Variants in RFXAP observed in about 807,000 individuals in gnomAD.
RFXAP encodes regulatory factor X-associated protein.
RFXAP carries 21 observed loss-of-function variants against 25.7 expected under a neutral mutation model. The ratio of observed to expected loss-of-function variants is 0.82; its 90% CI spans 0.58 to 1.18. The LOEUF (loss-of-function observed/expected upper bound fraction) is 1.18, where lower values mean the gene tolerates loss of function less well. RFXAP is among the 50% of genes most tolerant of loss of function. RFXAP has a pLI of 0.00. For missense variants in RFXAP, 333 were observed against 363.0 expected, an observed-to-expected ratio of 0.92 and a Z score of 0.67; for synonymous variants, 161 against 152.2, an observed-to-expected ratio of 1.06 and a Z score of -0.43.
At position 36,820,039 on chromosome 13, in the gene RFXAP, C is replaced by T. The variant is rs1424154813; in HGVS notation, c.600+82C>T. The T allele has an allele frequency of 1.9e-6, 3 of 1,557,646 alleles. No homozygotes were observed. In the East Asian group the frequency reaches 7.1e-5, roughly 37 times the overall value. ...ACGCAAACCGCATCTGCAGGGCCTG[C>T]CTCCCCACTTCCAAATGGGCCGGTT... is the stretch of plus-strand genomic sequence containing the variant. On this transcript the variant is annotated intron_variant, in intron 1 of 2. Coordinates refer to ENST00000255476, the MANE Select transcript of RFXAP (RefSeq NM_000538.4).
At chr13:36,823,201 G>T (rs145000252) in intron 1 of RFXAP, among the ~76,000 whole-genome samples, 1 of 152,230 alleles carries the variant, frequency 6.6e-6, no homozygotes, top group Non-Finnish European at 1.5e-5. Flanking sequence ...AACGCAAGCA[G>T]TCTTATTCTA....
intron 2 of RFXAP, among the ~76,000 whole-genome samples, chr13:36,825,770 A>G (rs1294862416): frequency 6.6e-6 from 1 of 152,226 alleles, no homozygotes; most frequent in Non-Finnish European, 1.5e-5. Flanking sequence ...TTGACTACAT[A>G]AAAATGAATG....
At chr13:36,824,702 G>A (rs1191651227) in intron 1 of RFXAP, among the ~76,000 whole-genome samples, 1 of 152,160 alleles carries the variant, frequency 6.6e-6, no homozygotes, top group Non-Finnish European at 1.5e-5. Flanking sequence ...GATGCTGTCA[G>A]GTAACTGGGG....
chr13:36,826,986 G>GA (rs2057980126), intron 2 of RFXAP, among the ~76,000 whole-genome samples: 1 of 152,012 alleles, frequency 6.6e-6, no homozygotes, highest in African/African-American at 2.4e-5. Context: ...GTGAGACCCT[G>GA]TCTCTAATAA....
intron 2 of RFXAP, among the ~76,000 whole-genome samples, chr13:36,826,586 C>A (rs903755397): frequency 2.0e-5 from 3 of 152,054 alleles, no homozygotes; most frequent in Non-Finnish European, 4.4e-5. Flanking sequence ...GAATGTAAAT[C>A]CTAAATATGG....
chr13:36,826,884 A>G (rs1225463952), intron 2 of RFXAP, among the ~76,000 whole-genome samples: 1 of 152,136 alleles, frequency 6.6e-6, no homozygotes, highest in Non-Finnish European at 1.5e-5. Context: ...AACCTATTAC[A>G]GGAGACTGTG....
At chr13:36,820,362 G>A (rs2057958036) in intron 1 of RFXAP, among the ~76,000 whole-genome samples, 1 of 152,054 alleles carries the variant, frequency 6.6e-6, no homozygotes, top group African/African-American at 2.4e-5. Context: ...CCAGTTCTCA[G>A]TACCCAGTTC....
chr13:36,819,468 G>T lies in RFXAP; in HGVS notation c.111G>T (p.Val37=). The change falls in exon 1 of 3, where the codon GTG becomes GTT. Residue 37 remains valine (V), a synonymous_variant. Transcript: ENST00000255476. ...AAAPTLAPAS[V]AAAASQFTLL... ...CTCCCACCTTGGCGCCAGCCTCGGT[G>T]GCGGCCGCGGCCTCTCAATTCACCC... The T allele has an allele frequency of 6.6e-7, 1 of 1,515,104 alleles. No homozygotes were observed. Among genetic ancestry groups the T allele is most frequent in the Non-Finnish European group, 8.8e-7 (1 of 1,131,130 alleles). 93.9% of individuals were successfully genotyped at this position (1,515,104 alleles called of 1,614,324 possible).
rs916627759 is a variant in RFXAP at position 36,827,837 on chromosome 13, A to G, written c.*84A>G. 7 of 1,020,320 alleles carry G rather than the reference A, an allele frequency of 6.9e-6. No individual in the cohort carries two copies. Among genetic ancestry groups the G allele is most frequent in the Non-Finnish European group, 1.1e-5 (7 of 651,970 alleles). The allele number at this position is 1,020,320 out of a possible 1,614,324, so 63.2% of individuals were successfully genotyped here. A position where few individuals can be genotyped will look rare whatever the true frequency, so the allele number is the denominator to read the frequency against. ...TTTTTTACCAGACATAAATGGGGTA[A>G]TAATCTATGCCTGTAGAACATAAAC... On this transcript the variant is annotated 3_prime_UTR_variant, in exon 3 of 3. Coordinates refer to ENST00000255476, the MANE Select transcript of RFXAP (RefSeq NM_000538.4).
Position 36,819,493 on chromosome 13 carries a change from C to T in RFXAP, c.136C>T (p.Leu46=). ...GGCGGCCGCGGCCTCTCAATTCACC[C>T]TGCTAGTGATGCAACCCTGTGCTGG... ...SVAAAASQFT[L]LVMQPCAGQD... Residue 46 remains leucine (L), a synonymous_variant, in exon 1 of 3, where the codon CTG becomes TTG. Transcript: ENST00000255476. 3 of 1,553,732 alleles carry T rather than the reference C, an allele frequency of 1.9e-6. No individual in the cohort carries two copies. The highest frequency in any genetic ancestry group is 2.6e-6 in the Non-Finnish European group (3 of 1,149,152).
rs1439768432 is a variant in RFXAP at position 36,819,246 on chromosome 13, G to C, written c.-112G>C. On this transcript the variant is annotated 5_prime_UTR_variant, in exon 1 of 3. Transcript: ENST00000255476. ...CAGGCGCAGTCGGGGCGCCTTCCCGGTATAGGCGCCTTTTACCCCAGCGTG... is the reference window on the plus strand; with the variant it reads ...CAGGCGCAGTCGGGGCGCCTTCCCGCTATAGGCGCCTTTTACCCCAGCGTG... 3.6e-6 allele frequency: 4 copies of C among 1,112,474 alleles called. No individual in the cohort carries two copies. The highest frequency in any genetic ancestry group is 4.5e-6 in the Non-Finnish European group (4 of 885,370). The allele number at this position is 1,112,474 out of a possible 1,614,324, so 68.9% of individuals were successfully genotyped here.
intron 2 of RFXAP, among the ~76,000 whole-genome samples, chr13:36,826,030 G>A (rs983635665): frequency 5.9e-5 from 9 of 152,008 alleles, no homozygotes; most frequent in African/African-American, 1.2e-4. Flanking sequence ...AAAATTAGCC[G>A]AGTGTGATGG....
At chr13:36,824,098 G>A (rs1330772877) in intron 1 of RFXAP, among the ~76,000 whole-genome samples, 1 of 152,118 alleles carries the variant, frequency 6.6e-6, no homozygotes, top group African/African-American at 2.4e-5. Flanking sequence ...TGGACTAGAT[G>A]ACTAAAGGTT....
intron 1 of RFXAP, among the ~76,000 whole-genome samples, chr13:36,822,415 C>T (rs1283803301): frequency 6.6e-6 from 1 of 152,034 alleles, no homozygotes; most frequent in Non-Finnish European, 1.5e-5. Context: ...AGTAGTTAAC[C>T]TATGGCTGCT....
chr13:36,825,588 A>G (rs2057975723), intron 2 of RFXAP, 53 bp downstream of exon 2: 11 of 1,310,258 alleles, frequency 8.4e-6, no homozygotes, highest in Non-Finnish European at 1.2e-5. Flanking sequence ...CGTTTGTTAT[A>G]AATGGAACAA....
At chr13:36,825,383 T>A in intron 1 of RFXAP, 45 bp from the exon 2 acceptor site, 1 of 1,332,068 alleles carries the variant, frequency 7.5e-7, no homozygotes, top group Non-Finnish European at 1.1e-6. Context: ...TCATGACTTA[T>A]TACGTTAACT....
chr13:36,827,226 G>C (rs1486376904), intron 2 of RFXAP, among the ~76,000 whole-genome samples: 1 of 152,024 alleles, frequency 6.6e-6, no homozygotes, highest in African/African-American at 2.4e-5. Flanking sequence ...TCTAGCACTA[G>C]TTTGTATGTA....
chr13:36,819,770 G>C lies in RFXAP; in HGVS notation c.413G>C (p.Ser138Thr), dbSNP rs1555302500. 2 of 1,564,218 alleles carry C rather than the reference G, an allele frequency of 1.3e-6. No homozygotes were observed. The highest frequency in any genetic ancestry group is 1.7e-6 in the Non-Finnish European group (2 of 1,153,638). ...CGGGGCAGCGGTGGGGGCAGCATGA[G>C]CAAGACCTGCACCTACGAAGGCTGC... ...RRRGSGGGSM[S>T]KTCTYEGCSE... The change falls in exon 1 of 3, where the codon AGC becomes ACC. Residue 138 changes from serine to threonine, a missense_variant. By Grantham distance (58) the Ser-to-Thr change is moderately conservative. Coordinates refer to ENST00000255476, the MANE Select transcript of RFXAP (RefSeq NM_000538.4).
In RFXAP at chr13:36,819,267, G is replaced by A. The variant is rs919578351; in HGVS notation, c.-91G>A. 1 of 1,184,110 alleles carries A rather than the reference G, an allele frequency of 8.4e-7. No homozygotes were observed. The allele number at this position is 1,184,110 out of a possible 1,614,324, so 73.4% of individuals were successfully genotyped here. A position where few individuals can be genotyped will look rare whatever the true frequency, so the allele number is the denominator to read the frequency against. The stretch of plus-strand genomic sequence containing the variant: ...CCCGGTATAGGCGCCTTTTACCCCA[G>A]CGTGTCCTGAGTCTTTGGTTCGCGA... On this transcript the variant is annotated 5_prime_UTR_variant, in exon 1 of 3. Transcript: ENST00000255476.
Sources: gnomAD v4.1 joint callset for allele counts (sites outside exome capture counted in the v4.1 genomes callset) on GRCh38, gnomAD v4.1.1 for gene constraint, MANE v1.5 for transcripts, NCBI Gene and HGNC (gene_info 2026-07-23, HGNC 2026-07-21) for gene names.